The following HTR1F variants were observed in gnomAD, a reference collection of about 807,000 sequenced individuals.
HTR1F encodes 5-hydroxytryptamine (serotonin) receptor 1F, G protein-coupled.
A neutral mutation model predicts 24.0 loss-of-function variants in HTR1F; 17 were observed. The ratio of observed to expected loss-of-function variants is 0.71; its 90% CI spans 0.48 to 1.06. The LOEUF is 1.06. HTR1F is among the 50% of genes least tolerant of loss of function. The probability of loss-of-function intolerance (pLI) is 0.00; values close to 1 mark genes in which losing one functional copy is unlikely to be tolerated. For synonymous variants in HTR1F, 186 were observed against 156.8 expected, an observed-to-expected ratio of 1.19 and a Z score of -1.39; for missense variants, 391 against 427.8, an observed-to-expected ratio of 0.91 and a Z score of 0.76.
chr3:87,982,998 G>T (rs1167450813), intron 2 of HTR1F, among the ~76,000 whole-genome samples: 1 of 152,168 alleles, frequency 6.6e-6, no homozygotes, highest in Admixed American at 6.5e-5. Flanking sequence ...GAGATCTGGG[G>T]GAGCTTGGGG....
chr3:87,989,905 A>G (rs1240971698), intron 2 of HTR1F, among the ~76,000 whole-genome samples: 3 of 152,180 alleles, frequency 2.0e-5, no homozygotes, highest in African/African-American at 7.2e-5. Flanking sequence ...ATACCTTCTA[A>G]GCTATATGTC....
At chr3:87,927,401 C>G (rs766048537) in intron 2 of HTR1F, among the ~76,000 whole-genome samples, 19 of 152,186 alleles carry the variant, frequency 1.2e-4, no homozygotes, top group Non-Finnish European at 1.9e-4. Context: ...ATATGCTCAG[C>G]AGTCCATATT....
At chr3:87,848,278 A>C (rs1263962925) in intron 2 of HTR1F, among the ~76,000 whole-genome samples, 1 of 151,662 alleles carries the variant, frequency 6.6e-6, no homozygotes, top group Non-Finnish European at 1.5e-5. Context: ...GATGCTGAGC[A>C]TTTTTTCATA....
intron 2 of HTR1F, among the ~76,000 whole-genome samples, chr3:87,882,707 G>A (rs1376389815): frequency 3.8e-5 from 5 of 131,936 alleles, no homozygotes. Flanking sequence ...GACTGTTGTG[G>A]GGTCGGGGGA....
intron 2 of HTR1F, among the ~76,000 whole-genome samples, chr3:87,865,197 T>A (rs1705400686): frequency 6.6e-6 from 1 of 152,170 alleles, no homozygotes; most frequent in Admixed American, 6.5e-5. Flanking sequence ...AATAGAACAA[T>A]GTGGTTTTTT....
At chr3:87,948,922 C>A (rs1704773515) in intron 2 of HTR1F, among the ~76,000 whole-genome samples, 1 of 152,150 alleles carries the variant, frequency 6.6e-6, no homozygotes, top group Non-Finnish European at 1.5e-5. Context: ...ACAATAACAA[C>A]CCTCTTGAAT....
intron 2 of HTR1F, among the ~76,000 whole-genome samples, chr3:87,909,405 TGA>T (rs1166745984): frequency 1.3e-5 from 2 of 151,958 alleles, no homozygotes; most frequent in African/African-American, 4.8e-5. Flanking sequence ...CCATTAATGG[TGA>T]AAAAAGTCAA....
intron 2 of HTR1F, among the ~76,000 whole-genome samples, chr3:87,873,841 A>ATGTT (rs61411971): frequency 0.075 from 11,359 of 152,224 alleles, 509 homozygotes; most frequent in Middle Eastern, 0.12. Flanking sequence ...AAATCAGTCA[A>ATGTT]TGTGATCTAC....
At chr3:87,829,814 C>A (rs1019942069) in intron 2 of HTR1F, among the ~76,000 whole-genome samples, 7 of 151,666 alleles carry the variant, frequency 4.6e-5, no homozygotes, top group Non-Finnish European at 1.0e-4. Flanking sequence ...TGTAATTTAC[C>A]CTGTTATGTA....
At chr3:87,951,011 T>C (rs1315368213) in intron 2 of HTR1F, among the ~76,000 whole-genome samples, 1 of 152,116 alleles carries the variant, frequency 6.6e-6, no homozygotes, top group African/African-American at 2.4e-5. Flanking sequence ...ACAAAAGTGA[T>C]TTCATCCTGG....
intron 2 of HTR1F, among the ~76,000 whole-genome samples, chr3:87,924,590 G>C (rs1407104131): frequency 6.6e-6 from 1 of 151,926 alleles, no homozygotes; most frequent in Non-Finnish European, 1.5e-5. Context: ...GTTTTTTCTT[G>C]TCTGGAAAAG....
intron 2 of HTR1F, among the ~76,000 whole-genome samples, chr3:87,874,645 AC>A (rs1321984644): frequency 2.0e-5 from 3 of 148,494 alleles, no homozygotes; most frequent in African/African-American, 7.6e-5. Context: ...AAAAAAAAAA[AC>A]CCTAAAATTA....
intron 2 of HTR1F, among the ~76,000 whole-genome samples, chr3:87,824,657 G>A (rs1161044500): frequency 6.6e-6 from 1 of 152,168 alleles, no homozygotes; most frequent in Admixed American, 6.5e-5. Context: ...TAGAATTGAT[G>A]GGAATGAGAT....
intron 2 of HTR1F, among the ~76,000 whole-genome samples, chr3:87,957,914 C>T (rs534209867): frequency 6.6e-6 from 1 of 151,050 alleles, no homozygotes; most frequent in Non-Finnish European, 1.5e-5. Context: ...GATGTCAGCT[C>T]TTATTTTATT....
intron 2 of HTR1F, among the ~76,000 whole-genome samples, chr3:87,849,485 G>C (rs1484111916): frequency 2.6e-5 from 4 of 151,836 alleles, no homozygotes; most frequent in Non-Finnish European, 4.4e-5. Context: ...TTACATGTTA[G>C]ACCTAAAACC....
intron 2 of HTR1F, among the ~76,000 whole-genome samples, chr3:87,933,884 G>A (rs1704347667): frequency 6.6e-6 from 1 of 152,082 alleles, no homozygotes; most frequent in Non-Finnish European, 1.5e-5. Context: ...AGCATGCTCT[G>A]CCAAGATACT....
At chr3:87,970,588 T>C (rs144753426) in intron 2 of HTR1F, among the ~76,000 whole-genome samples, 1 of 152,236 alleles carries the variant, frequency 6.6e-6, no homozygotes, top group East Asian at 1.9e-4. Context: ...AACCAAAAAA[T>C]TGTGTGTACT....
chr3:87,951,362 A>G (rs767749261), intron 2 of HTR1F, among the ~76,000 whole-genome samples: 2 of 152,190 alleles, frequency 1.3e-5, no homozygotes, highest in African/African-American at 2.4e-5. Context: ...TAGCAATCCT[A>G]TGAGGTCAAT....
chr3:87,928,024 A>G (rs1704169193), intron 2 of HTR1F, among the ~76,000 whole-genome samples: 1 of 151,396 alleles, frequency 6.6e-6, no homozygotes, highest in South Asian at 2.1e-4. Context: ...ACCTGTACTA[A>G]TATCAATAGT....
Sources: gnomAD v4.1 joint callset for allele counts (sites outside exome capture counted in the v4.1 genomes callset) on GRCh38, gnomAD v4.1.1 for gene constraint, MANE v1.5 for transcripts, NCBI Gene and HGNC (gene_info 2026-07-23, HGNC 2026-07-21) for gene names.